Variants in TMEM65 observed in about 807,000 individuals in gnomAD.
TMEM65 encodes the protein transmembrane protein 65.
Under a neutral mutation model 25.4 loss-of-function variants are expected in TMEM65, and 22 were observed. The ratio of observed to expected loss-of-function variants is 0.86; its 90% CI spans 0.62 to 1.23. TMEM65 has a LOEUF of 1.23. Ranked by LOEUF, TMEM65 falls within the 50% of genes most tolerant of loss-of-function variation. The probability of loss-of-function intolerance (pLI) is 0.00; values close to 1 mark genes in which losing one functional copy is unlikely to be tolerated. For synonymous variants in TMEM65, 132 were observed against 126.2 expected (o/e 1.05, Z -0.31); for missense variants, 262 against 308.2 (o/e 0.85, Z 1.12).
intron 1 of TMEM65, among the ~76,000 whole-genome samples, chr8:124,333,645 T>C (rs1212864511): frequency 2.0e-5 from 3 of 152,298 alleles, no homozygotes; most frequent in South Asian, 2.1e-4. Flanking sequence ...GGAATTCTCC[T>C]GCATGGAACA....
intron 6 of TMEM65, 128 bp from the exon 7 acceptor site, chr8:124,314,189 T>C: frequency 1.4e-6 from 1 of 704,772 alleles, no homozygotes; most frequent in Non-Finnish European, 2.5e-6. Context: ...TCCTCTTCAA[T>C]ATTTATCCCT....
intron 1 of TMEM65, among the ~76,000 whole-genome samples, chr8:124,364,967 G>A (rs1586475750): frequency 6.6e-6 from 1 of 152,250 alleles, no homozygotes. Flanking sequence ...GTGTGGTTAT[G>A]CAAACTCATC....
At chr8:124,364,819 G>C (rs1814917118) in intron 1 of TMEM65, among the ~76,000 whole-genome samples, 1 of 151,990 alleles carries the variant, frequency 6.6e-6, no homozygotes, top group Non-Finnish European at 1.5e-5. Flanking sequence ...CAAAGACAAG[G>C]CTACAGTCCT....
At chr8:124,352,944 T>A (rs1433425436) in intron 1 of TMEM65, among the ~76,000 whole-genome samples, 1 of 151,960 alleles carries the variant, frequency 6.6e-6, no homozygotes, top group African/African-American at 2.4e-5. Flanking sequence ...CTGGCCAACA[T>A]GACGAAACAC....
At chr8:124,332,853 T>C (rs1814451818) in intron 1 of TMEM65, among the ~76,000 whole-genome samples, 1 of 152,112 alleles carries the variant, frequency 6.6e-6, no homozygotes, top group Non-Finnish European at 1.5e-5. Context: ...TCTCCCAGGC[T>C]GAAGTGCAGT....
intron 1 of TMEM65, among the ~76,000 whole-genome samples, chr8:124,346,528 G>C (rs1051766725): frequency 6.6e-6 from 1 of 151,800 alleles, no homozygotes; most frequent in African/African-American, 2.4e-5. Context: ...CACAAATGAA[G>C]GTAAAAATCC....
intron 1 of TMEM65, among the ~76,000 whole-genome samples, chr8:124,333,362 G>T (rs1814459372): frequency 6.6e-6 from 1 of 151,014 alleles, no homozygotes. Context: ...ATTTTCTTTT[G>T]ACATATAATA....
intron 2 of TMEM65, among the ~76,000 whole-genome samples, chr8:124,329,675 T>C (rs888576875): frequency 1.3e-5 from 2 of 151,942 alleles, no homozygotes; most frequent in African/African-American, 4.8e-5. Context: ...ATATAGTTTT[T>C]CAAAAAGTTA....
chr8:124,364,767 T>TA (rs537523201), intron 1 of TMEM65, among the ~76,000 whole-genome samples: 61 of 152,352 alleles, frequency 4.0e-4, no homozygotes, highest in Middle Eastern at 3.4e-3. Context: ...TACTTGTTTT[T>TA]ATGTGTTTTC....
intron 1 of TMEM65, among the ~76,000 whole-genome samples, chr8:124,339,773 A>G (rs1814563783): frequency 6.6e-6 from 1 of 152,004 alleles, no homozygotes; most frequent in South Asian, 2.1e-4. Context: ...GGTTTCCCCT[A>G]AATCTAAAGA....
chr8:124,327,252 A>C (rs997809723), intron 3 of TMEM65, 102 bp downstream of exon 3: 2 of 738,340 alleles, frequency 2.7e-6, no homozygotes, highest in African/African-American at 1.9e-5. Context: ...CTTGTTCATT[A>C]TGATATTAAA....
rs144957064 is a variant in TMEM65, at chr8:124,318,363, G to GTTTTTTTTTTTTTT, written c.621+1722_621+1723insAAAAAAAAAAAAAA. Among the ~76,000 whole-genome samples, 12 of 73,838 alleles carry GTTTTTTTTTTTTTT rather than the reference G, an allele frequency of 1.6e-4. 3 individuals are homozygous for GTTTTTTTTTTTTTT. The highest frequency in any genetic ancestry group is 4.5e-4 in the African/African-American group (8 of 17,866). 48.4% of individuals were successfully genotyped at this position (73,838 alleles called of 152,430 possible). ...TTGTTTTAAGCTGCTGAATTTGCATGTTTTTGTTTTTTTTTTTTTTTTTTT... is the reference window on the plus strand; with the variant it reads ...TTGTTTTAAGCTGCTGAATTTGCATGTTTTTTTTTTTTTTTTTTTGTTTTTTTTTTTTTTTTTTT... On this transcript the variant is annotated intron_variant, in intron 6 of 6. Transcript: ENST00000297632.
In TMEM65 at chr8:124,371,912, C is replaced by G. The variant is rs959442141; in HGVS notation, c.246G>C (p.Thr82=). 9 of 1,546,804 alleles carry G rather than the reference C, an allele frequency of 5.8e-6. No homozygotes were observed. The African/African-American group carries it at 1.1e-4, about 20-fold the overall frequency. Residue 82 remains threonine, a synonymous_variant, in exon 1 of 7, where the codon ACG becomes ACC. Transcript: ENST00000297632. ...ARDFIYSLHS[T]ERSCLLKELH... ...GCTCTTTGAGCAGGCAGCTCCTCTC[C>G]GTGGAGTGCAGGCTGTAGATGAAGT... is the stretch of plus-strand genomic sequence containing the variant.
chr8:124,328,352 T>C (rs7833150), intron 2 of TMEM65, among the ~76,000 whole-genome samples: 16,803 of 151,166 alleles, frequency 0.11, 1,057 homozygotes, highest in African/African-American at 0.16. Flanking sequence ...TGCAGTGAGC[T>C]AAGATTGCAC....
Position 124,313,847 on chromosome 8 carries a change from A to T in TMEM65, c.*113T>A, listed in dbSNP as rs1814197958. On this transcript the variant is annotated 3_prime_UTR_variant, in exon 7 of 7. Transcript: ENST00000297632. ...TAGTGTTTTCCATAATACATGCTAA[A>T]TTATTTGATCCCATATCTATACTGT... is the stretch of plus-strand genomic sequence containing the variant. 1.4e-6 allele frequency: 1 copy of T among 715,410 alleles called. No homozygotes were observed. The highest frequency in any genetic ancestry group is 2.7e-5 in the East Asian group (1 of 36,524). 44.3% of individuals were successfully genotyped at this position (715,410 alleles called of 1,614,324 possible).
At chr8:124,370,739 C>T (rs1815001450) in intron 1 of TMEM65, among the ~76,000 whole-genome samples, 1 of 152,202 alleles carries the variant, frequency 6.6e-6, no homozygotes, top group Admixed American at 6.5e-5. Context: ...TCCATTCCTG[C>T]ACATCAGCTA....
intron 3 of TMEM65, among the ~76,000 whole-genome samples, chr8:124,323,620 C>T (rs1026784291): frequency 1.3e-5 from 2 of 151,960 alleles, no homozygotes; most frequent in African/African-American, 4.8e-5. Flanking sequence ...ATTAGCAACA[C>T]ATGTAGAAAT....
At position 124,371,921 on chromosome 8, in the gene TMEM65, C is replaced by A. The variant is rs1257661939; in HGVS notation, c.237G>T (p.Leu79=). The A allele has an allele frequency of 3.9e-6, 6 of 1,540,098 alleles. No homozygotes were observed. Among genetic ancestry groups the A allele is most frequent in the Non-Finnish European group, 4.4e-6 (5 of 1,147,232 alleles). The part of the protein sequence containing the change: ...AQGARDFIYS[L]HSTERSCLLK... Reference sequence around the variant, plus strand: ...GCAGGCAGCTCCTCTCCGTGGAGTGCAGGCTGTAGATGAAGTCGCGCGCGC... The same window carrying A: ...GCAGGCAGCTCCTCTCCGTGGAGTGAAGGCTGTAGATGAAGTCGCGCGCGC... The change falls in exon 1 of 7, where the codon CTG becomes CTT. Residue 79 remains leucine (L), a synonymous_variant. Coordinates refer to ENST00000297632, the MANE Select transcript of TMEM65 (RefSeq NM_194291.3).
At chr8:124,344,643 T>C (rs1814622129) in intron 1 of TMEM65, among the ~76,000 whole-genome samples, 1 of 152,242 alleles carries the variant, frequency 6.6e-6, no homozygotes, top group Non-Finnish European at 1.5e-5. Context: ...GCTACTTTGT[T>C]AAAACAAGTA....
Sources: allele counts gnomAD v4.1 joint callset (sites outside exome capture counted in the v4.1 genomes callset), GRCh38; gene constraint gnomAD v4.1.1; transcripts MANE v1.5; gene names NCBI Gene and HGNC (gene_info 2026-07-23, HGNC 2026-07-21).